LRRC75B: variants seen among roughly 807,000 people sequenced by gnomAD.
LRRC75B encodes leucine-rich repeat-containing protein 75B.
LRRC75B carries 20 observed loss-of-function variants against 16.5 expected under a neutral mutation model. The observed-to-expected ratio is 1.21, with a 90% CI of 0.85 to 1.76. The LOEUF is 1.76. Ranked by LOEUF, LRRC75B falls within the 40% of genes most tolerant of loss-of-function variation. The pLI, the probability that LRRC75B is intolerant of heterozygous loss-of-function variation, is 0.00. For missense variants in LRRC75B, 406 were observed against 417.0 expected (o/e 0.97, Z 0.23); for synonymous variants, 199 against 198.1 (o/e 1.00, Z -0.04).
chr22:24,592,085 G>A (rs1216043903), intron 1 of LRRC75B: 2 of 350,240 alleles, frequency 5.7e-6, no homozygotes, highest in Admixed American at 3.8e-5. Flanking sequence ...CCTGCTCACA[G>A]GATGGGGCAG....
chr22:24,592,642 A>C, intron 1 of LRRC75B: 1 of 706,718 alleles, frequency 1.4e-6, no homozygotes, highest in Non-Finnish European at 2.1e-6. Flanking sequence ...CGCCGACCTC[A>C]CCCAGCCCTC....
chr22:24,592,162 TG>T (rs1266240424), intron 1 of LRRC75B: 4 of 392,572 alleles, frequency 1.0e-5, no homozygotes, highest in South Asian at 7.3e-5. Context: ...CCCAGGTGAT[TG>T]GGGGGACCAG....
chr22:24,592,805 C>A (rs1056210020), intron 1 of LRRC75B, 58 bp downstream of exon 1: 16 of 1,249,196 alleles, frequency 1.3e-5, no homozygotes, highest in Non-Finnish European at 1.6e-5. Context: ...TCCCAGACCC[C>A]CAGACCCCCA....
In LRRC75B at chr22:24,586,319, G is replaced by A. The variant is rs2045391715; in HGVS notation, c.515C>T (p.Thr172Ile). 1.2e-6 allele frequency: 2 copies of A among 1,614,004 alleles called. No homozygotes were observed. The highest frequency in any genetic ancestry group is 8.5e-7 in the Non-Finnish European group (1 of 1,180,052). ...AGCACCATGGCTGCTCAGGTAGCGT[G>A]TGATGTGTTGCACGTCCTGTGTCGA... Reference protein sequence around the residue: ...PLSTQDVQHITRYLSSHGAVL... With the variant: ...PLSTQDVQHIIRYLSSHGAVL... The change falls in exon 4 of 4, where the codon ACA (threonine) becomes ATA (isoleucine). Residue 172 changes from threonine to isoleucine, a missense_variant. Coordinates refer to ENST00000318753, the MANE Select transcript of LRRC75B (RefSeq NM_207644.3).
At chr22:24,591,758 C>T (rs960327375) in intron 1 of LRRC75B, among the ~76,000 whole-genome samples, 1 of 152,232 alleles carries the variant, frequency 6.6e-6, no homozygotes, top group African/African-American at 2.4e-5. Context: ...TGCTGTTTGC[C>T]ACAGATGCCA....
rs750706509 is a variant in LRRC75B at position 24,586,301 on chromosome 22, TG to T, written c.532del (p.His178MetfsTer10). On this transcript the variant is annotated frameshift_variant, in exon 4 of 4. Coordinates refer to ENST00000318753, the MANE Select transcript of LRRC75B (RefSeq NM_207644.3). LOFTEE classifies it low-confidence loss of function (END_TRUNC). ...GTCCAGCACCGCCAGCACAGCACCA[TG>T]GCTGCTCAGGTAGCGTGTGATGTGT... ...VQHITRYLSS[H>X]GAVLAVLDLS... 2 of 1,614,010 alleles carry T rather than the reference TG, an allele frequency of 1.2e-6. No individual in the cohort carries two copies. Among genetic ancestry groups the T allele is most frequent in the South Asian group, 2.2e-5 (2 of 91,092 alleles).
Position 24,586,369 on chromosome 22 carries a change from A to G in LRRC75B, c.465T>C (p.Thr155=), listed in dbSNP as rs752672322. 8 of 1,613,704 alleles carry G rather than the reference A, an allele frequency of 5.0e-6. No homozygotes were observed. Among genetic ancestry groups the G allele is most frequent in the Non-Finnish European group, 6.8e-6 (8 of 1,180,020 alleles). The stretch of plus-strand genomic sequence containing the variant: ...ACAGCGGGATGCCTGAGAGGTCCAC[A>G]GTCTCCCCTGCCAGCAGAGTCTTCT... ...SLQKTLLAGE[T]VDLSGIPLST... Residue 155 remains threonine (T), a synonymous_variant, in exon 4 of 4, where the codon ACT becomes ACC. Coordinates refer to ENST00000318753, the MANE Select transcript of LRRC75B (RefSeq NM_207644.3).
chr22:24,592,309 G>A (rs531035900), intron 1 of LRRC75B: 1 of 469,828 alleles, frequency 2.1e-6, no homozygotes, highest in Non-Finnish European at 4.4e-6. Flanking sequence ...GCCGCCTGTT[G>A]GAGAACTGGT....
intron 2 of LRRC75B, chr22:24,589,159 G>A (rs1348092701): frequency 8.6e-7 from 1 of 1,160,764 alleles, no homozygotes; most frequent in African/African-American, 1.7e-5. Context: ...GACTCACTGT[G>A]ACTAGGAGTC....
chr22:24,586,081 A>G lies in LRRC75B; in HGVS notation c.753T>C (p.Asp251=), dbSNP rs778931197. 29 of 1,612,384 alleles carry G rather than the reference A, an allele frequency of 1.8e-5. No individual in the cohort carries two copies. The East Asian group carries it at 4.9e-4, about 27-fold the overall frequency. ...GCAGGGGCTGGGGCAGGGAAGCCAC[A>G]TCCACGTTGTTGCCCAGGTCCACCC... ...LAWVDLGNNV[D]VASLPQPLLV... Residue 251 remains aspartate (D), a synonymous_variant, in exon 4 of 4, where the codon GAT becomes GAC. Coordinates refer to ENST00000318753, the MANE Select transcript of LRRC75B (RefSeq NM_207644.3).
Position 24,592,813 on chromosome 22 carries a change from C to T in LRRC75B, c.177+50G>A, listed in dbSNP as rs1475177710. On this transcript the variant is annotated intron_variant, in intron 1 of 3. Transcript: ENST00000318753. ...CCGCGCCTCCCAGACCCCCAGACCC[C>T]CAGACCCTCCCTGGCCGCCAGCCCA... The T allele has an allele frequency of 3.2e-6, 4 of 1,266,588 alleles. No individual in the cohort carries two copies. In the African/African-American group the frequency reaches 4.8e-5, roughly 15 times the overall value. 78.5% of individuals were successfully genotyped at this position (1,266,588 alleles called of 1,614,324 possible). A position where few individuals can be genotyped will look rare whatever the true frequency, so the allele number is the denominator to read the frequency against.
At chr22:24,592,649 C>G (rs988965274) in intron 1 of LRRC75B, 1 of 764,172 alleles carries the variant, frequency 1.3e-6, no homozygotes, top group Non-Finnish European at 1.9e-6. Flanking sequence ...CTCACCCAGC[C>G]CTCACTCCAG....
At chr22:24,586,536 T>C (rs187139681) in intron 3 of LRRC75B, 125 bp from the exon 4 acceptor site, 2 of 1,065,278 alleles carry the variant, frequency 1.9e-6, no homozygotes, top group Admixed American at 4.7e-5. Flanking sequence ...AAACTGTGTC[T>C]TTCGTATTTT....
intron 3 of LRRC75B, among the ~76,000 whole-genome samples, chr22:24,587,563 G>A (rs370543464): frequency 1.8e-4 from 27 of 152,256 alleles, no homozygotes; most frequent in East Asian, 9.7e-4. Context: ...GTAAGCTCCC[G>A]GCAGCAGTTC....
At chr22:24,590,561 A>G (rs1480635145) in intron 1 of LRRC75B, among the ~76,000 whole-genome samples, 10 of 151,890 alleles carry the variant, frequency 6.6e-5, no homozygotes, top group African/African-American at 2.4e-4. Context: ...TGTCAGTGGG[A>G]TTCTTTGGGG....
Position 24,585,768 on chromosome 22 carries a change from G to A in LRRC75B, c.*118C>T, listed in dbSNP as rs1339081324. On this transcript the variant is annotated 3_prime_UTR_variant, in exon 4 of 4. Coordinates refer to ENST00000318753, the MANE Select transcript of LRRC75B (RefSeq NM_207644.3). ...CCATTCTTCTGTCCCCTTAATCTCA[G>A]GCTGAGCATTTACACTGGATTTCTG... 2 of 1,092,040 alleles carry A rather than the reference G, an allele frequency of 1.8e-6. No homozygotes were observed. Among genetic ancestry groups the A allele is most frequent in the African/African-American group, 3.2e-5 (2 of 62,992 alleles). 67.6% of individuals were successfully genotyped at this position (1,092,040 alleles called of 1,614,324 possible).
Position 24,588,067 on chromosome 22 carries a change from C to T in LRRC75B, c.422+147G>A, listed in dbSNP as rs1028839142. Reference sequence around the variant, plus strand: ...CATCTGCTACCACGGGCCAGGCTGACTTCCAGGGTAGGGCCCTCATGCGGA... The same window carrying T: ...CATCTGCTACCACGGGCCAGGCTGATTTCCAGGGTAGGGCCCTCATGCGGA... On this transcript the variant is annotated intron_variant, in intron 3 of 3. Coordinates refer to ENST00000318753, the MANE Select transcript of LRRC75B (RefSeq NM_207644.3). 55 of 656,980 alleles carry T rather than the reference C, an allele frequency of 8.4e-5. 1 individual carries two copies. Among genetic ancestry groups the T allele is most frequent in the South Asian group, 5.4e-4 (30 of 56,012 alleles). 40.7% of individuals were successfully genotyped at this position (656,980 alleles called of 1,614,324 possible).
At chr22:24,587,745 CCAA>C (rs2045440483) in intron 3 of LRRC75B, among the ~76,000 whole-genome samples, 1 of 152,188 alleles carries the variant, frequency 6.6e-6, no homozygotes, top group African/African-American at 2.4e-5. Flanking sequence ...CAAAGAATTC[CCAA>C]CAAGGTACAG....
At position 24,586,135 on chromosome 22, in the gene LRRC75B, C is replaced by G. The variant is rs201635194; in HGVS notation, c.699G>C (p.Lys233Asn). ...ATARKLTDAI[K>N]DTTKFPALAW... ...CCAAAGCAGGGAACTTGGTGGTGTCCTTGATGGCATCAGTGAGCTTGCGGG... is the reference window on the plus strand; with the variant it reads ...CCAAAGCAGGGAACTTGGTGGTGTCGTTGATGGCATCAGTGAGCTTGCGGG... The change falls in exon 4 of 4, where the codon AAG (lysine) becomes AAC (asparagine). Residue 233 changes from lysine to asparagine, a missense_variant. Physicochemically the swap from Lys to Asn is moderately conservative, Grantham distance 94. Coordinates refer to ENST00000318753, the MANE Select transcript of LRRC75B (RefSeq NM_207644.3). 2.7e-4 allele frequency: 438 copies of G among 1,613,342 alleles called. 4 individuals are homozygous for G. The Admixed American group carries it at 7.2e-3, about 26-fold the overall frequency.
Sources: gnomAD v4.1 joint callset for allele counts (sites outside exome capture counted in the v4.1 genomes callset) on GRCh38, gnomAD v4.1.1 for gene constraint, MANE v1.5 for transcripts, NCBI Gene and HGNC (gene_info 2026-07-23, HGNC 2026-07-21) for gene names.